The following TGFBR3 variants were observed in gnomAD, a reference collection of about 807,000 sequenced individuals.
TGFBR3 encodes transforming growth factor beta receptor type 3.
In TGFBR3, 46 loss-of-function variants were observed where a neutral mutation model predicts 87.9. The ratio of observed to expected loss-of-function variants is 0.52; its 90% CI spans 0.41 to 0.67. TGFBR3 has a LOEUF of 0.67. Among genes scored for constraint, TGFBR3 ranks in the 30% least tolerant of loss-of-function variants. The probability of loss-of-function intolerance (pLI) is 0.00; values close to 1 mark genes in which losing one functional copy is unlikely to be tolerated. For synonymous variants in TGFBR3, 381 were observed against 391.6 expected, an observed-to-expected ratio of 0.97 and a Z score of 0.32; for missense variants, 866 against 1,041.9, an observed-to-expected ratio of 0.83 and a Z score of 2.32.
chr1:91,703,232 AT>A (rs1042018746), intron 14 of TGFBR3, among the ~76,000 whole-genome samples: 2 of 152,046 alleles, frequency 1.3e-5, no homozygotes, highest in African/African-American at 4.8e-5. Context: ...CCTTTAGAGT[AT>A]TTTTATTCTG....
chr1:91,710,394 T>C (rs1253662419), intron 13 of TGFBR3, among the ~76,000 whole-genome samples: 1 of 152,214 alleles, frequency 6.6e-6, no homozygotes, highest in Non-Finnish European at 1.5e-5. Context: ...AGTTTACTGT[T>C]ACTTTCCTAT....
intron 14 of TGFBR3, among the ~76,000 whole-genome samples, chr1:91,701,230 G>C (rs1287782034): frequency 6.6e-6 from 1 of 151,922 alleles, no homozygotes; most frequent in Admixed American, 6.6e-5. Context: ...CATTTCCCCT[G>C]GGTGAAGTCT....
intron 1 of TGFBR3, among the ~76,000 whole-genome samples, chr1:91,873,279 CTTCTTTTTTT>C (rs1210209073): frequency 1.7e-5 from 2 of 116,602 alleles, no homozygotes; most frequent in South Asian, 3.1e-4. Context: ...CCAATTTTCC[CTTCTTTTTTT>C]TTTTTTTTTT....
chr1:91,902,271 T>TTGTGTGTGTG (rs200355608), intron 1 of TGFBR3, among the ~76,000 whole-genome samples: 11 of 148,248 alleles, frequency 7.4e-5, no homozygotes, highest in African/African-American at 2.0e-4. Context: ...TCCTTTTCTT[T>TTGTGTGTGTG]TGTGTGTGTG....
intron 5 of TGFBR3, among the ~76,000 whole-genome samples, chr1:91,730,196 T>C (rs1044447370): frequency 6.6e-6 from 1 of 152,144 alleles, no homozygotes; most frequent in Non-Finnish European, 1.5e-5. Context: ...GGGCCTCTTT[T>C]GGCTAAATCT....
chr1:91,826,709 A>C (rs993858286), intron 2 of TGFBR3, among the ~76,000 whole-genome samples: 5 of 147,844 alleles, frequency 3.4e-5, no homozygotes, highest in South Asian at 4.3e-4. Flanking sequence ...TATTAAATAA[A>C]ATTAGTCATA....
At chr1:91,814,319 T>C (rs1676136332) in intron 2 of TGFBR3, among the ~76,000 whole-genome samples, 1 of 152,220 alleles carries the variant, frequency 6.6e-6, no homozygotes, top group Non-Finnish European at 1.5e-5. Context: ...CTTCCTGAAA[T>C]GAAATCGTTT....
rs1674199614 is a variant in TGFBR3, at chr1:91,766,672, GC to G, written c.247-7923del. On this transcript the variant is annotated intron_variant, in intron 3 of 16. Coordinates refer to ENST00000212355, the MANE Select transcript of TGFBR3 (RefSeq NM_003243.5). ...AAATATAATTAAGCATTAACATGCT[GC>G]TCTTTGACCTAGTTTCTTGTAACCA... Among the ~76,000 whole-genome samples, 3 of 133,234 alleles carry G rather than the reference GC, an allele frequency of 2.3e-5. 1 individual carries two copies. The South Asian group carries it at 8.5e-4, about 38-fold the overall frequency. The allele number at this position is 133,234 out of a possible 152,430, so 87.4% of individuals were successfully genotyped here. A position where few individuals can be genotyped will look rare whatever the true frequency, so the allele number is the denominator to read the frequency against.
At chr1:91,711,186 A>T (rs1475142560) in intron 13 of TGFBR3, among the ~76,000 whole-genome samples, 1 of 152,206 alleles carries the variant, frequency 6.6e-6, no homozygotes, top group Non-Finnish European at 1.5e-5. Context: ...CTAAGGCATC[A>T]CCGCCGCAAA....
chr1:91,689,404 C>T (rs1189101323), intron 16 of TGFBR3, among the ~76,000 whole-genome samples: 1 of 152,164 alleles, frequency 6.6e-6, no homozygotes, highest in African/African-American at 2.4e-5. Context: ...AACTCCACGA[C>T]AGCAAGGACT....
intron 3 of TGFBR3, among the ~76,000 whole-genome samples, chr1:91,784,476 G>A (rs1434410871): frequency 6.6e-6 from 1 of 152,192 alleles, no homozygotes; most frequent in Non-Finnish European, 1.5e-5. Context: ...TAACACACAC[G>A]ATTCAGCAGC....
chr1:91,900,060 C>A (rs1456548467), intron 1 of TGFBR3, among the ~76,000 whole-genome samples: 3 of 152,064 alleles, frequency 2.0e-5, no homozygotes, highest in Non-Finnish European at 2.9e-5. Context: ...AAAAAAGATT[C>A]TGAAATATAC....
intron 2 of TGFBR3, among the ~76,000 whole-genome samples, chr1:91,893,154 T>G (rs1177055543): frequency 6.6e-6 from 1 of 152,228 alleles, no homozygotes; most frequent in Non-Finnish European, 1.5e-5. Context: ...TAAGTTTGGG[T>G]TTATAAAATG....
At chr1:91,726,526 TAAA>T (rs397861947) in intron 7 of TGFBR3, among the ~76,000 whole-genome samples, 1 of 136,110 alleles carries the variant, frequency 7.3e-6, no homozygotes, top group East Asian at 2.3e-4. Flanking sequence ...AGCAAAGTTA[TAAA>T]AAAAAAAAAA....
chr1:91,780,551 CTTTTTTTTT>C (rs60294904), intron 3 of TGFBR3, among the ~76,000 whole-genome samples: 9 of 77,166 alleles, frequency 1.2e-4, no homozygotes, highest in Non-Finnish European at 1.8e-4. Flanking sequence ...GGGTCTAAGG[CTTTTTTTTT>C]TTTTTTTTTT....
chr1:91,890,066 A>G (rs964281540), upstream of TGFBR3, among the ~76,000 whole-genome samples: 2 of 152,210 alleles, frequency 1.3e-5, no homozygotes, highest in African/African-American at 4.8e-5. Flanking sequence ...AGTATTTGTT[A>G]CTGTAAGATA....
chr1:91,851,987 C>T (rs929260831), intron 2 of TGFBR3, among the ~76,000 whole-genome samples: 1 of 152,198 alleles, frequency 6.6e-6, no homozygotes, highest in African/African-American at 2.4e-5. Context: ...CAGTGGCTCA[C>T]GCCTGTAATC....
chr1:91,729,888 T>C lies in TGFBR3; in HGVS notation c.654A>G (p.Ala218=), dbSNP rs760965001. Residue 218 remains alanine, a synonymous_variant, in exon 6 of 17, where the codon GCA becomes GCG. Coordinates refer to ENST00000212355, the MANE Select transcript of TGFBR3 (RefSeq NM_003243.5). ...YLAEYLQPKA[A]EGCVMSSQPQ... is the part of the protein sequence containing the mutation. ...GCTGGCTGGACATCACACACCCTTCTGCTGCTTTGGGTTGAAGGTACTCAG... is the reference window on the plus strand; with the variant it reads ...GCTGGCTGGACATCACACACCCTTCCGCTGCTTTGGGTTGAAGGTACTCAG... The C allele has an allele frequency of 6.2e-7, 1 of 1,614,224 alleles. No homozygotes were observed. The highest frequency in any genetic ancestry group is 1.1e-5 in the South Asian group (1 of 91,084).
Position 91,682,397 on chromosome 1 carries a change from T to TGGC in TGFBR3, c.*1339_*1341dup. ...ATAATTTAGCATGATAATTCCCCCC[T>TGGC]GGCATTCTTTTTTTTTTTTTTTTTT... On this transcript the variant is annotated 3_prime_UTR_variant, in exon 17 of 17. Transcript: ENST00000212355. The TGGC allele has an allele frequency of 2.4e-6, 1 of 422,510 alleles. No homozygotes were observed. The highest frequency in any genetic ancestry group is 1.7e-5 in the South Asian group (1 of 58,368). The allele number at this position is 422,510 out of a possible 1,614,324, so 26.2% of individuals were successfully genotyped here.
Sources: allele counts gnomAD v4.1 joint callset (sites outside exome capture counted in the v4.1 genomes callset), GRCh38; gene constraint gnomAD v4.1.1; transcripts MANE v1.5; gene names NCBI Gene and HGNC (gene_info 2026-07-23, HGNC 2026-07-21).